The following PRKG1 variants were observed in gnomAD, a reference collection of about 807,000 sequenced individuals.
PRKG1 encodes the protein cGMP-dependent protein kinase 1.
A neutral mutation model predicts 88.1 loss-of-function variants in PRKG1; 35 were observed. The ratio of observed to expected loss-of-function variants is 0.40; its 90% CI spans 0.30 to 0.53. The LOEUF (loss-of-function observed/expected upper bound fraction) is 0.53. Among genes scored for constraint, PRKG1 ranks in the 20% least tolerant of loss-of-function variants. The probability of loss-of-function intolerance (pLI) is 0.59; values close to 1 mark genes in which losing one functional copy is unlikely to be tolerated. For missense variants in PRKG1, 540 were observed against 839.8 expected (o/e 0.64, Z 4.41); for synonymous variants, 303 against 292.5 (o/e 1.04, Z -0.37).
intron 5 of PRKG1, among the ~76,000 whole-genome samples, chr10:51,932,355 T>G (rs1183240646): frequency 6.6e-6 from 1 of 152,178 alleles, no homozygotes; most frequent in African/African-American, 2.4e-5. Context: ...CCTTTAATAA[T>G]AACAGCTTCC....
chr10:51,623,983 A>G (rs1839272530), intron 3 of PRKG1, among the ~76,000 whole-genome samples: 1 of 152,262 alleles, frequency 6.6e-6, no homozygotes, highest in Middle Eastern at 3.4e-3. Context: ...CCCTGGGGCC[A>G]AGAGATGATT....
intron 9 of PRKG1, among the ~76,000 whole-genome samples, chr10:52,227,377 T>C (rs914847482): frequency 2.6e-5 from 4 of 152,258 alleles, no homozygotes; most frequent in Admixed American, 6.5e-5. Context: ...AAATAAAAAA[T>C]ATTAGAAAAA....
intron 2 of PRKG1, among the ~76,000 whole-genome samples, chr10:51,294,217 T>G (rs190903994): frequency 2.7e-4 from 41 of 152,290 alleles, no homozygotes; most frequent in Non-Finnish European, 5.9e-5. Flanking sequence ...AGCTTTTTAA[T>G]TTGATGCATT....
chr10:51,747,851 C>A (rs1362233589), intron 3 of PRKG1, among the ~76,000 whole-genome samples: 1 of 152,046 alleles, frequency 6.6e-6, no homozygotes, highest in Non-Finnish European at 1.5e-5. Context: ...CTCACTGCAA[C>A]CTCCGCCTCC....
At chr10:51,866,408 T>C (rs952338199) in intron 4 of PRKG1, among the ~76,000 whole-genome samples, 2 of 152,038 alleles carry the variant, frequency 1.3e-5, no homozygotes, top group African/African-American at 2.4e-5. Flanking sequence ...ATGAAAGAAA[T>C]ATTGCCAAAC....
intron 5 of PRKG1, among the ~76,000 whole-genome samples, chr10:52,016,834 A>T (rs10823961): frequency 0.16 from 24,775 of 152,100 alleles, 2,622 homozygotes; most frequent in East Asian, 0.32. Flanking sequence ...CACAGCAATA[A>T]CAGAACAAGG....
intron 3 of PRKG1, among the ~76,000 whole-genome samples, chr10:51,589,518 G>T (rs1461202699): frequency 6.6e-6 from 1 of 152,144 alleles, no homozygotes; most frequent in African/African-American, 2.4e-5. Flanking sequence ...CAGCTACTCA[G>T]GAAGCAGAGA....
At chr10:51,622,056 G>A (rs570691629) in intron 3 of PRKG1, among the ~76,000 whole-genome samples, 17 of 152,268 alleles carry the variant, frequency 1.1e-4, no homozygotes, top group East Asian at 1.9e-4. Flanking sequence ...ACTATTTGAT[G>A]TATGCCAAAT....
intron 9 of PRKG1, among the ~76,000 whole-genome samples, chr10:52,201,543 G>A (rs535958571): frequency 6.6e-6 from 1 of 151,906 alleles, no homozygotes; most frequent in Admixed American, 6.6e-5. Context: ...GGCTTTTTTT[G>A]GCTCCACATG....
At chr10:51,165,134 A>C (rs1313767706) in intron 2 of PRKG1, among the ~76,000 whole-genome samples, 1 of 152,232 alleles carries the variant, frequency 6.6e-6, no homozygotes, top group Non-Finnish European at 1.5e-5. Flanking sequence ...AAAAGTGTTA[A>C]GGGCAGCCAG....
chr10:51,005,037 G>C (rs568445935), intron 1 of PRKG1, among the ~76,000 whole-genome samples: 1 of 151,882 alleles, frequency 6.6e-6, no homozygotes, highest in Non-Finnish European at 1.5e-5. Flanking sequence ...TGGCAACCTC[G>C]GTAGAGATTT....
At chr10:51,593,098 G>A (rs1384876157) in intron 3 of PRKG1, among the ~76,000 whole-genome samples, 5 of 152,152 alleles carry the variant, frequency 3.3e-5, no homozygotes, top group Admixed American at 6.5e-5. Context: ...TAGCTTAATG[G>A]AGTGTAAGAA....
Position 52,294,183 on chromosome 10 carries a change from C to A in PRKG1, c.*283C>A, listed in dbSNP as rs777903667. The A allele has an allele frequency of 3.3e-6, 1 of 301,514 alleles. No individual in the cohort carries two copies. The highest frequency in any genetic ancestry group is 6.2e-6 in the Non-Finnish European group (1 of 162,350). 18.7% of individuals were successfully genotyped at this position (301,514 alleles called of 1,614,324 possible). A position where few individuals can be genotyped will look rare whatever the true frequency, so the allele number is the denominator to read the frequency against. On this transcript the variant is annotated 3_prime_UTR_variant, in exon 18 of 18. Transcript: ENST00000373980. ...GTTTTCTATTGTTGCAATGACCTTG[C>A]TTTGCTCTGATTATAATTTGAAAGA...
intron 1 of PRKG1, among the ~76,000 whole-genome samples, chr10:51,018,433 G>A (rs1267987117): frequency 6.6e-6 from 1 of 152,132 alleles, no homozygotes; most frequent in African/African-American, 2.4e-5. Context: ...AATGGTTTCT[G>A]TGGCCTTGGA....
At chr10:52,042,879 TA>T (rs1564444416) in intron 5 of PRKG1, among the ~76,000 whole-genome samples, 1 of 151,902 alleles carries the variant, frequency 6.6e-6, no homozygotes, top group East Asian at 1.9e-4. Context: ...CCAACAGCAA[TA>T]AAAAAACAAA....
intron 3 of PRKG1, among the ~76,000 whole-genome samples, chr10:51,557,799 A>C (rs775604050): frequency 1.4e-3 from 206 of 152,176 alleles, no homozygotes; most frequent in Non-Finnish European, 1.4e-3. Context: ...CATCTGTGTC[A>C]ACTACTACAA....
chr10:52,163,068 A>G (rs1167897628), intron 9 of PRKG1, among the ~76,000 whole-genome samples: 1 of 152,038 alleles, frequency 6.6e-6, no homozygotes, highest in Non-Finnish European at 1.5e-5. Flanking sequence ...TAATAATCCC[A>G]CCGAGGTGGG....
chr10:52,237,162 C>T (rs1256793256), intron 9 of PRKG1, among the ~76,000 whole-genome samples: 1,857 of 106,694 alleles, frequency 0.017, 43 homozygotes, highest in African/African-American at 0.058. Context: ...ATTGATGGGA[C>T]GTATTTCAAA....
chr10:51,177,682 G>A (rs74131800), intron 2 of PRKG1, among the ~76,000 whole-genome samples: 8,547 of 152,020 alleles, frequency 0.056, 463 homozygotes, highest in African/African-American at 0.14. Flanking sequence ...CATATACAAT[G>A]TATTTAATTT....
Sources: allele counts gnomAD v4.1 joint callset (sites outside exome capture counted in the v4.1 genomes callset), GRCh38; gene constraint gnomAD v4.1.1; transcripts MANE v1.5; gene names NCBI Gene and HGNC (gene_info 2026-07-23, HGNC 2026-07-21).